PFKFB3: variants seen among roughly 807,000 people sequenced by gnomAD.
PFKFB3 encodes 6-phosphofructo-2-kinase/fructose-2,6-bisphosphatase 3.
PFKFB3 carries 33 observed loss-of-function variants against 68.0 expected under a neutral mutation model. The observed-to-expected ratio is 0.49, with a 90% CI of 0.37 to 0.65. The LOEUF is 0.65. PFKFB3 is among the 30% of genes least tolerant of loss of function. The pLI is 0.00. For synonymous variants in PFKFB3, 315 were observed against 288.2 expected, an observed-to-expected ratio of 1.09 and a Z score of -0.94; for missense variants, 586 against 712.2, an observed-to-expected ratio of 0.82 and a Z score of 2.02.
chr10:6,283,637 G>A, the PFKFB3 span, among the ~76,000 whole-genome samples: 2 of 152,360 alleles, frequency 1.3e-5, no homozygotes, highest in African/African-American at 4.8e-5. Context: ...GAGAGGAGCT[G>A]TAGCCATATC....
intron 1 of PFKFB3, among the ~76,000 whole-genome samples, chr10:6,203,884 GTTTC>G (rs1357855751): frequency 6.6e-6 from 1 of 152,026 alleles, no homozygotes; most frequent in Non-Finnish European, 1.5e-5. Flanking sequence ...CTCTCCCACT[GTTTC>G]TTTCTGCTTT....
chr10:6,229,317 G>A lies in PFKFB3; in HGVS notation c.1515+2952G>A, dbSNP rs1845576830. The A allele has an allele frequency of 8.0e-6, 3 of 375,380 alleles. No homozygotes were observed. In the Admixed American group the frequency reaches 9.4e-5, roughly 12 times the overall value. 23.3% of individuals were successfully genotyped at this position (375,380 alleles called of 1,614,324 possible). On this transcript the variant is annotated intron_variant, in intron 14 of 14. Coordinates refer to ENST00000379775, the MANE Select transcript of PFKFB3 (RefSeq NM_004566.4). This position sits in a 1 kb window ranked among gnomAD's most constrained non-coding sequence, Gnocchi z 4.3. ...TCAGTCCCCCGTTTAATGGTTGAGGGGCTGAGTGACCGGCCCGTGCTTCCA... is the reference window on the plus strand; with the variant it reads ...TCAGTCCCCCGTTTAATGGTTGAGGAGCTGAGTGACCGGCCCGTGCTTCCA...
downstream of PFKFB3, among the ~76,000 whole-genome samples, chr10:6,257,133 A>G (rs1178775211): frequency 6.6e-6 from 1 of 152,140 alleles, no homozygotes; most frequent in Non-Finnish European, 1.5e-5. Flanking sequence ...TCACAATTTC[A>G]TCTTTAGTTG....
At chr10:6,305,687 C>A in the PFKFB3 span, among the ~76,000 whole-genome samples, 10 of 152,142 alleles carry the variant, frequency 6.6e-5, no homozygotes, top group African/African-American at 2.4e-4. Flanking sequence ...TTTAAAAATT[C>A]TTTTACTGTG....
At chr10:6,149,789 G>A (rs1841518518) in intron 1 of PFKFB3, 2 of 154,128 alleles carry the variant, frequency 1.3e-5, no homozygotes, top group Admixed American at 1.3e-4. Flanking sequence ...CCCCAATAGA[G>A]GAGGACTCAT....
At chr10:6,148,415 C>T (rs1411110808) in intron 1 of PFKFB3, among the ~76,000 whole-genome samples, 1 of 152,198 alleles carries the variant, frequency 6.6e-6, no homozygotes, top group Non-Finnish European at 1.5e-5. Flanking sequence ...TGGGTGGTGG[C>T]TGCATCTGGG....
At chr10:6,282,584 G>A in the PFKFB3 span, among the ~76,000 whole-genome samples, 1 of 152,160 alleles carries the variant, frequency 6.6e-6, no homozygotes, top group Non-Finnish European at 1.5e-5. Context: ...GGAAAGACAA[G>A]CATAGACCTA....
At chr10:6,185,908 G>C (rs1281320595) in intron 1 of PFKFB3, among the ~76,000 whole-genome samples, 1 of 152,110 alleles carries the variant, frequency 6.6e-6, no homozygotes, top group Non-Finnish European at 1.5e-5. Flanking sequence ...CCAAAGTGCT[G>C]GGATTACAGG....
At chr10:6,277,918 ATAGTTTTT>A in the PFKFB3 span, 2 of 171,830 alleles carry the variant, frequency 1.2e-5, no homozygotes, top group African/African-American at 4.8e-5. Flanking sequence ...TTCTGTATTA[ATAGTTTTT>A]TTTTTTTTTG....
chr10:6,283,547 G>GGCCGGAAGACTCAGCCCAC, the PFKFB3 span, among the ~76,000 whole-genome samples: 5 of 152,236 alleles, frequency 3.3e-5, no homozygotes, highest in Admixed American at 6.5e-5. Flanking sequence ...GAAAGATGGA[G>GGCCGGAAGACTCAGCCCAC]GCTGGAAGAC....
chr10:6,147,844 CG>C (rs770425872), intron 1 of PFKFB3, among the ~76,000 whole-genome samples: 33 of 151,658 alleles, frequency 2.2e-4, no homozygotes, highest in South Asian at 4.2e-4. Flanking sequence ...GGGAGCCTGA[CG>C]GGGTGGTCCA....
At chr10:6,286,662 G>A in the PFKFB3 span, among the ~76,000 whole-genome samples, 1 of 152,206 alleles carries the variant, frequency 6.6e-6, no homozygotes. Flanking sequence ...ATACATATGA[G>A]CCACTGTGCC....
the PFKFB3 span, among the ~76,000 whole-genome samples, chr10:6,296,309 C>T: frequency 6.6e-6 from 1 of 151,402 alleles, no homozygotes; most frequent in African/African-American, 2.4e-5. Context: ...GGAAACTTCT[C>T]AGTAGCCATT....
At chr10:6,222,733 A>T in intron 10 of PFKFB3, 122 bp from the exon 11 acceptor site, 1 of 1,093,440 alleles carries the variant, frequency 9.1e-7, no homozygotes, top group Non-Finnish European at 1.3e-6. Flanking sequence ...CTTCTCAACC[A>T]CTGCTGATGA....
chr10:6,294,287 G>A, the PFKFB3 span: 2 of 495,836 alleles, frequency 4.0e-6, no homozygotes, highest in East Asian at 1.1e-4. Context: ...TTCTCACACT[G>A]TTAATAAAGA....
At chr10:6,249,155 C>T (rs1588568814) in intron 14 of PFKFB3, among the ~76,000 whole-genome samples, 1 of 67,356 alleles carries the variant, frequency 1.5e-5, no homozygotes, top group Admixed American at 2.2e-4. Context: ...GCCTAGGCAA[C>T]AAGAGCAAAA....
intron 1 of PFKFB3, among the ~76,000 whole-genome samples, chr10:6,172,111 G>T (rs1333742977): frequency 6.6e-6 from 1 of 152,236 alleles, no homozygotes; most frequent in Non-Finnish European, 1.5e-5. Context: ...ACACCCTGGG[G>T]ACTGCGAGAA....
At chr10:6,274,261 G>A in the PFKFB3 span, among the ~76,000 whole-genome samples, 4 of 151,790 alleles carry the variant, frequency 2.6e-5, no homozygotes, top group South Asian at 2.1e-4. Context: ...ACTTTGTTGC[G>A]ACATCCTCAG....
chr10:6,280,614 T>C, the PFKFB3 span, among the ~76,000 whole-genome samples: 11,343 of 152,162 alleles, frequency 0.075, 1,324 homozygotes, highest in East Asian at 0.49. Flanking sequence ...AAAAACCTTC[T>C]CTGCAGGAGC....
Sources: allele counts gnomAD v4.1 joint callset (sites outside exome capture counted in the v4.1 genomes callset), GRCh38; gene constraint gnomAD v4.1.1; non-coding constraint Gnocchi (gnomAD v3.1); transcripts MANE v1.5; gene names NCBI Gene and HGNC (gene_info 2026-07-23, HGNC 2026-07-21).